The following PATJ variants were observed in gnomAD, a reference collection of about 807,000 sequenced individuals.
The protein encoded by PATJ is PATJ crumbs cell polarity complex component.
A neutral mutation model predicts 224.9 loss-of-function variants in PATJ; 190 were observed. That is an observed-to-expected ratio of 0.84 (90% CI 0.75 to 0.95). PATJ has a LOEUF of 0.95. Ranked by LOEUF, PATJ falls within the 40% of genes least tolerant of loss-of-function variation. PATJ has a pLI of 0.00. For missense variants in PATJ, 2,121 were observed against 2,270.3 expected, an observed-to-expected ratio of 0.93 and a Z score of 1.34; for synonymous variants, 769 against 820.3, an observed-to-expected ratio of 0.94 and a Z score of 1.07.
intron 33 of PATJ, among the ~76,000 whole-genome samples, chr1:62,101,266 T>TC (rs1380858295): frequency 1.3e-5 from 2 of 148,472 alleles, no homozygotes; most frequent in Non-Finnish European, 3.0e-5. Flanking sequence ...TTTCTTTTTT[T>TC]TTTTTTTTTT....
At chr1:62,051,537 G>A (rs1474847779) in intron 31 of PATJ, among the ~76,000 whole-genome samples, 1 of 152,140 alleles carries the variant, frequency 6.6e-6, no homozygotes, top group Non-Finnish European at 1.5e-5. Flanking sequence ...ATGTTAGCCA[G>A]GCTGGTCTTG....
At chr1:61,773,258 A>G (rs1001274296) in intron 6 of PATJ, among the ~76,000 whole-genome samples, 1 of 151,868 alleles carries the variant, frequency 6.6e-6, no homozygotes, top group Admixed American at 6.6e-5. Flanking sequence ...TCCTGACCTC[A>G]TGATCTGCCC....
At chr1:61,834,220 T>C (rs540162917) in intron 17 of PATJ, among the ~76,000 whole-genome samples, 31 of 152,076 alleles carry the variant, frequency 2.0e-4, no homozygotes, top group Admixed American at 1.8e-3. Context: ...AGAAATCCCA[T>C]ACACATTAGC....
chr1:61,828,018 G>A (rs1658584389), intron 16 of PATJ, among the ~76,000 whole-genome samples: 1 of 152,058 alleles, frequency 6.6e-6, no homozygotes, highest in African/African-American at 2.4e-5. Flanking sequence ...AGGCCGAGGT[G>A]GGTGGAACAC....
At chr1:62,014,562 CTTTTTTT>C (rs35711547) in intron 28 of PATJ, among the ~76,000 whole-genome samples, 3 of 84,518 alleles carry the variant, frequency 3.5e-5, no homozygotes, top group Non-Finnish European at 6.6e-5. Context: ...CTTTTCTTTC[CTTTTTTT>C]TTTTTTTTTT....
chr1:62,047,629 A>G (rs1431767612), intron 30 of PATJ, among the ~76,000 whole-genome samples: 1 of 152,216 alleles, frequency 6.6e-6, no homozygotes, highest in Non-Finnish European at 1.5e-5. Context: ...AGCTTGCAGA[A>G]CTAGACACAC....
chr1:61,882,131 G>A (rs1177383045), intron 21 of PATJ, among the ~76,000 whole-genome samples: 3 of 152,132 alleles, frequency 2.0e-5, no homozygotes, highest in Non-Finnish European at 1.5e-5. Context: ...ACATTCTGGT[G>A]GGGGCAGACA....
At chr1:61,881,215 A>G (rs1668044127) in intron 21 of PATJ, among the ~76,000 whole-genome samples, 1 of 152,174 alleles carries the variant, frequency 6.6e-6, no homozygotes, top group South Asian at 2.1e-4. Flanking sequence ...CATGTTTGCA[A>G]GAGTTTAGCA....
intron 29 of PATJ, among the ~76,000 whole-genome samples, chr1:62,031,270 G>T (rs556996366): frequency 2.0e-5 from 3 of 152,158 alleles, no homozygotes; most frequent in Admixed American, 1.3e-4. Context: ...CACCTTTAAA[G>T]AGGAAGAAAA....
rs71050202 is a variant in PATJ at position 62,136,665 on chromosome 1, C to CTGTG, written c.5271+7744_5271+7747dup. Among the ~76,000 whole-genome samples the CTGTG allele has an allele frequency of 2.3e-4, 11 of 46,848 alleles. 1 individual carries two copies. Among genetic ancestry groups the CTGTG allele is most frequent in the African/African-American group, 3.3e-4 (3 of 9,062 alleles). The allele number at this position is 46,848 out of a possible 152,430, so 30.7% of individuals were successfully genotyped here. A position where few individuals can be genotyped will look rare whatever the true frequency, so the allele number is the denominator to read the frequency against. On this transcript the variant is annotated intron_variant, in intron 41 of 43. Coordinates refer to ENST00000642238, the MANE Select transcript of PATJ (RefSeq NM_001350145.3). ...ATGTTTTGCGTGTGTGTGTGTGTGT[C>CTGTG]TGTGTGTGTGTGTGTGTGTGTGTGT...
chr1:61,971,006 T>G (rs1357292246), intron 27 of PATJ, among the ~76,000 whole-genome samples: 2 of 152,238 alleles, frequency 1.3e-5, no homozygotes, highest in Admixed American at 6.5e-5. Context: ...AAAACATTCT[T>G]TAAGAAAATT....
At chr1:61,884,148 C>A in intron 21 of PATJ, 89 bp from the exon 22 acceptor site, 1 of 884,124 alleles carries the variant, frequency 1.1e-6, no homozygotes, top group East Asian at 2.6e-5. Flanking sequence ...AGAGTCCCCT[C>A]CCATAGTAGG....
chr1:62,078,304 C>T (rs148422473), intron 31 of PATJ, among the ~76,000 whole-genome samples: 1,778 of 152,208 alleles, frequency 0.012, 29 homozygotes, highest in African/African-American at 0.038. Context: ...TTTTTGGAGA[C>T]GGAGTTTCAT....
chr1:62,038,538 C>A, intron 30 of PATJ: 3 of 158,650 alleles, frequency 1.9e-5, no homozygotes, highest in Middle Eastern at 3.2e-3. Context: ...GGGGATATTC[C>A]TTCTCTTCTC....
At chr1:62,084,729 C>A in intron 33 of PATJ, 81 bp downstream of exon 33, 2 of 1,350,134 alleles carry the variant, frequency 1.5e-6, no homozygotes, top group Non-Finnish European at 2.1e-6. Flanking sequence ...CACAACTCTG[C>A]AAGACTTGCC....
chr1:61,961,876 G>A (rs1681338837), intron 27 of PATJ, among the ~76,000 whole-genome samples: 1 of 151,706 alleles, frequency 6.6e-6, no homozygotes, highest in Non-Finnish European at 1.5e-5. Context: ...GGCTGAGGCA[G>A]GAGAATCACT....
chr1:62,118,305 TCAA>T (rs1664678532), intron 37 of PATJ, among the ~76,000 whole-genome samples: 1 of 152,070 alleles, frequency 6.6e-6, no homozygotes, highest in Non-Finnish European at 1.5e-5. Context: ...CAGACTTATA[TCAA>T]CAAACGAAAC....
chr1:61,859,404 A>G (rs1295132436), intron 18 of PATJ, among the ~76,000 whole-genome samples: 1 of 152,094 alleles, frequency 6.6e-6, no homozygotes, highest in African/African-American at 2.4e-5. Flanking sequence ...AGAAAGGTCA[A>G]TTTCAAGAAT....
At chr1:61,904,949 G>A (rs1054205198) in intron 24 of PATJ, among the ~76,000 whole-genome samples, 8 of 152,222 alleles carry the variant, frequency 5.3e-5, no homozygotes, top group Non-Finnish European at 8.8e-5. Flanking sequence ...ATGGCTGGGT[G>A]AGGTGGCTCA....
Sources: allele counts gnomAD v4.1 joint callset (sites outside exome capture counted in the v4.1 genomes callset), GRCh38; gene constraint gnomAD v4.1.1; transcripts MANE v1.5; gene names NCBI Gene and HGNC (gene_info 2026-07-23, HGNC 2026-07-21).